KIF1A: variants seen among roughly 807,000 people sequenced by gnomAD.
The protein encoded by KIF1A is kinesin-like protein KIF1A.
In KIF1A, 46 loss-of-function variants were observed where a neutral mutation model predicts 227.3. The observed-to-expected ratio is 0.20, with a 90% confidence interval of 0.16 to 0.26. The LOEUF (loss-of-function observed/expected upper bound fraction) is 0.26, where lower values mean the gene tolerates loss of function less well. Ranked by LOEUF, KIF1A falls within the 10% of genes least tolerant of loss-of-function variation. KIF1A has a pLI of 1.00. For missense variants in KIF1A, 1,683 were observed against 2,485.9 expected, an observed-to-expected ratio of 0.68 and a Z score of 6.87; for synonymous variants, 1,022 against 1,012.8, an observed-to-expected ratio of 1.01 and a Z score of -0.17.
In KIF1A at chr2:240,722,556, T is replaced by G; in HGVS notation, c.4565A>C (p.Glu1522Ala). Residue 1522 changes from glutamate (E) to alanine (A), a missense_variant, in exon 43 of 49, where the codon GAG becomes GCG. Around this residue, in one of 12 missense-constraint regions of KIF1A, gnomAD observed 384 missense variants for 410.1 expected, o/e 0.94. Coordinates refer to ENST00000498729, the MANE Select transcript of KIF1A (RefSeq NM_001244008.2). ...GGAGGCGCTGGAGGAGCCATGGGAC[T>G]CAGAGTCCTCGCTGAAGGCCGGGGA... is the stretch of plus-strand genomic sequence containing the variant. ...ALSPAFSEDS[E>A]SHGSSSASSP... The G allele has an allele frequency of 6.4e-7, 1 of 1,552,114 alleles. No homozygotes were observed. The highest frequency in any genetic ancestry group is 8.7e-7 in the Non-Finnish European group (1 of 1,148,180).
chr2:240,788,330 GC>G lies in KIF1A; in HGVS notation c.184-101del. 1 of 1,103,972 alleles carries G rather than the reference GC, an allele frequency of 9.1e-7. No individual in the cohort carries two copies. Among genetic ancestry groups the G allele is most frequent in the Non-Finnish European group, 1.3e-6 (1 of 742,290 alleles). The allele number at this position is 1,103,972 out of a possible 1,614,324, so 68.4% of individuals were successfully genotyped here. ...CAGGGGATGCCCAGGGCCTCAGGGT[GC>G]CAGGGCAGCACAGTGGGGAGGGATG... is the stretch of plus-strand genomic sequence containing the variant. On this transcript the variant is annotated intron_variant, in intron 3 of 48. Coordinates refer to ENST00000498729, the MANE Select transcript of KIF1A (RefSeq NM_001244008.2). This position sits in a 1 kb window ranked among gnomAD's most constrained non-coding sequence, Gnocchi z 6.6.
rs896341383 is a variant in KIF1A at position 240,714,797 on chromosome 2, G to A, written c.*2567C>T. The A allele has an allele frequency of 6.6e-6, 1 of 152,270 alleles. No individual in the cohort carries two copies. The highest frequency in any genetic ancestry group is 2.4e-5 in the African/African-American group (1 of 41,448). The allele number at this position is 152,270 out of a possible 1,614,324, so 9.4% of individuals were successfully genotyped here. ...GTCCTGGCTTAGGCACTCCTCACTA[G>A]AGCAGGCCCGGAAGGAGGGAGTCGG... On this transcript the variant is annotated 3_prime_UTR_variant, in exon 49 of 49. Transcript: ENST00000498729.
At position 240,766,741 on chromosome 2, in the gene KIF1A, T is replaced by TCACACACACA. The variant is rs71049519; in HGVS notation, c.1684+173_1684+174insTGTGTGTGTG. Among the ~76,000 whole-genome samples, 2,413 of 112,008 alleles carry TCACACACACA rather than the reference T, an allele frequency of 0.022. 44 individuals are homozygous for TCACACACACA. Among genetic ancestry groups the TCACACACACA allele is most frequent in the Non-Finnish European group, 0.034 (1,902 of 56,122 alleles). The allele number at this position is 112,008 out of a possible 152,430, so 73.5% of individuals were successfully genotyped here. A position where few individuals can be genotyped will look rare whatever the true frequency, so the allele number is the denominator to read the frequency against. On this transcript the variant is annotated intron_variant, in intron 19 of 48. Transcript: ENST00000498729. This position sits in a 1 kb window ranked among gnomAD's most constrained non-coding sequence, Gnocchi z 5.0. ...CTCCAAATCTCTCTCTCTCTCTCTCTCTCTCTCTCACACACACACACACAC... is the reference window on the plus strand; with the variant it reads ...CTCCAAATCTCTCTCTCTCTCTCTCTCACACACACACTCTCTCTCACACACACACACACAC...
At chr2:240,811,217 T>G (rs1310311072) in intron 1 of KIF1A, among the ~76,000 whole-genome samples, 1 of 151,990 alleles carries the variant, frequency 6.6e-6, no homozygotes, top group Non-Finnish European at 1.5e-5. Context: ...ATACAAAAAT[T>G]AGCTCAGCGT....
rs368699290 is a variant in KIF1A, at chr2:240,720,070, A to G, written c.4869-144T>C. ...TCTCTCCAGCTGTGCCCACAGTGGG[A>G]GCTCCCGGGGCCCGTCCACCAGGAT... is the stretch of plus-strand genomic sequence containing the variant. On this transcript the variant is annotated intron_variant, in intron 45 of 48. Coordinates refer to ENST00000498729, the MANE Select transcript of KIF1A (RefSeq NM_001244008.2). 372 of 710,986 alleles carry G rather than the reference A, an allele frequency of 5.2e-4. 3 individuals carry two copies. The African/African-American group carries it at 6.3e-3, about 12-fold the overall frequency. 44.0% of individuals were successfully genotyped at this position (710,986 alleles called of 1,614,324 possible).
At chr2:240,810,831 G>A (rs954725111) in intron 1 of KIF1A, among the ~76,000 whole-genome samples, 4 of 152,176 alleles carry the variant, frequency 2.6e-5, no homozygotes, top group African/African-American at 9.6e-5. Context: ...CGATGTGCCC[G>A]CCATGGTGAC....
intron 12 of KIF1A, 119 bp downstream of exon 12, chr2:240,774,064 G>C: frequency 1.6e-6 from 1 of 615,958 alleles, no homozygotes. Context: ...CAGAGTCCAG[G>C]GTATACCCCT....
intron 17 of KIF1A, among the ~76,000 whole-genome samples, 159 bp downstream of exon 17, chr2:240,768,974 A>G (rs909397855): frequency 2.0e-5 from 3 of 152,220 alleles, no homozygotes; most frequent in Admixed American, 6.5e-5. Context: ...CACAAAAAGC[A>G]AAGTGTGACT....
chr2:240,769,620 T>C lies in KIF1A; in HGVS notation c.1421+7A>G. The C allele has an allele frequency of 6.2e-7, 1 of 1,612,374 alleles. No individual in the cohort carries two copies. The highest frequency in any genetic ancestry group is 8.5e-7 in the Non-Finnish European group (1 of 1,179,072). The stretch of plus-strand genomic sequence containing the variant: ...TCCCCCTGGGCCTCAGTTTCCCCGC[T>C]GCACACCTCTCCATCCGGATGGCTT... On this transcript the variant is annotated splice_region_variant and intron_variant, in intron 16 of 48. Transcript: ENST00000498729.
chr2:240,762,839 A>C (rs1413164573), intron 22 of KIF1A, 27 bp from the exon 23 acceptor site: 1 of 1,557,778 alleles, frequency 6.4e-7, no homozygotes, highest in East Asian at 2.4e-5. Flanking sequence ...CTGTGACTCC[A>C]CTACGGCCCT....
At chr2:240,719,275 C>T in intron 46 of KIF1A, 77 bp from the exon 47 acceptor site, 1 of 1,495,510 alleles carries the variant, frequency 6.7e-7, no homozygotes, top group Non-Finnish European at 9.0e-7. Flanking sequence ...ATCTACCACC[C>T]AGAGCTGGGA....
rs572402528 is a variant in KIF1A, at chr2:240,810,917, C to T, written c.-61+9205G>A. Among the ~76,000 whole-genome samples the T allele has an allele frequency of 4.6e-5, 7 of 152,294 alleles. No individual in the cohort carries two copies. In the South Asian group the frequency reaches 1.0e-3, roughly 23 times the overall value. ...GGGTGATGTGGGTCGGCCGAGATGC[C>T]GGGTGGTGGTGAGCCCTCTGCCAGT... On this transcript the variant is annotated intron_variant, in intron 1 of 48. Coordinates refer to ENST00000498729, the MANE Select transcript of KIF1A (RefSeq NM_001244008.2).
rs749914330 is a variant in KIF1A, at chr2:240,763,062, C to T, written c.1979G>A (p.Arg660His). ...CAGGTAGGTGGCCTCCTCCCGCTCG[C>T]GGCGGTACTGGTCCTCCAGTTCCTG... is the stretch of plus-strand genomic sequence containing the variant. Reference protein sequence around the residue: ...RLQELEDQYRREREEATYLLE... With the variant: ...RLQELEDQYRHEREEATYLLE... The change falls in exon 22 of 49, where the codon CGC becomes CAC. Residue 660 changes from arginine to histidine, a missense_variant. Arg to His is a conservative substitution (Grantham distance 29). Coordinates refer to ENST00000498729, the MANE Select transcript of KIF1A (RefSeq NM_001244008.2). 1.2e-5 allele frequency: 19 copies of T among 1,558,730 alleles called. No individual in the cohort carries two copies. Among genetic ancestry groups the T allele is most frequent in the East Asian group, 2.3e-5 (1 of 43,958 alleles).
Position 240,750,631 on chromosome 2 carries a change from C to T in KIF1A, c.2859-84G>A, listed in dbSNP as rs532799497. 64 of 983,226 alleles carry T rather than the reference C, an allele frequency of 6.5e-5. No homozygotes were observed. In the East Asian group the frequency reaches 1.1e-3, roughly 17 times the overall value. 60.9% of individuals were successfully genotyped at this position (983,226 alleles called of 1,614,324 possible). On this transcript the variant is annotated intron_variant, in intron 27 of 48. Coordinates refer to ENST00000498729, the MANE Select transcript of KIF1A (RefSeq NM_001244008.2). ...AGCGGTGGCAGCATGGCCTGGCTCA[C>T]GACACAACATGGAGCTGCAAAGCAG...
At chr2:240,750,666 G>T in intron 27 of KIF1A, 119 bp from the exon 28 acceptor site, 1 of 748,088 alleles carries the variant, frequency 1.3e-6, no homozygotes, top group Non-Finnish European at 2.3e-6. Flanking sequence ...GAGGGAAGCC[G>T]CCGGACAGGA....
intron 32 of KIF1A, among the ~76,000 whole-genome samples, chr2:240,744,332 G>T (rs1308868718): frequency 3.9e-5 from 6 of 152,156 alleles, no homozygotes; most frequent in Non-Finnish European, 8.8e-5. Context: ...TCAGAACACG[G>T]AGCTGGGAAA....
Position 240,729,096 on chromosome 2 carries a change from A to G in KIF1A, c.4008-2156T>C, listed in dbSNP as rs2046336581. On this transcript the variant is annotated intron_variant, in intron 38 of 48. Transcript: ENST00000498729. ...GTACATGTCATCATCACTGTCTGGT[A>G]CACATCAGTGTAACTATCTGGCACA... is the stretch of plus-strand genomic sequence containing the variant. Among the ~76,000 whole-genome samples, 3 of 152,152 alleles carry G rather than the reference A, an allele frequency of 2.0e-5. No homozygotes were observed. In the South Asian group the frequency reaches 6.2e-4, roughly 32 times the overall value.
chr2:240,813,937 A>C (rs1424963139), intron 1 of KIF1A, among the ~76,000 whole-genome samples: 2 of 152,218 alleles, frequency 1.3e-5, no homozygotes, highest in Non-Finnish European at 2.9e-5. Context: ...GCTCATTTTC[A>C]AAACAAGGGC....
In KIF1A at chr2:240,757,045, A is replaced by T. The variant is rs1398753337; in HGVS notation, c.2858+274T>A. Among the ~76,000 whole-genome samples the T allele has an allele frequency of 6.6e-6, 1 of 152,194 alleles. No individual in the cohort carries two copies. On this transcript the variant is annotated intron_variant, in intron 27 of 48. Transcript: ENST00000498729. The surrounding 1 kb of genome is among the most constrained non-coding windows in gnomAD (Gnocchi z 6.2). ...CCACCTGCCTGGGGCCACAGCTGCAAGCTCCGGGGTGCACTACCTCTTCTG... is the reference window on the plus strand; with the variant it reads ...CCACCTGCCTGGGGCCACAGCTGCATGCTCCGGGGTGCACTACCTCTTCTG...
Sources: gnomAD v4.1 joint callset for allele counts (sites outside exome capture counted in the v4.1 genomes callset) on GRCh38, gnomAD v4.1.1 for gene constraint, gnomAD v4.1.1 regional missense constraint, Gnocchi (gnomAD v3.1) non-coding constraint, MANE v1.5 for transcripts, NCBI Gene and HGNC (gene_info 2026-07-23, HGNC 2026-07-21) for gene names.